ELOVL2: variants seen among roughly 807,000 people sequenced by gnomAD.
The protein encoded by ELOVL2 is very long chain fatty acid elongase 2.
Under a neutral mutation model 37.7 loss-of-function variants are expected in ELOVL2, and 38 were observed. The ratio of observed to expected loss-of-function variants is 1.01; its 90% CI spans 0.78 to 1.32. ELOVL2 has a LOEUF of 1.32. Among genes scored for constraint, ELOVL2 ranks in the 40% most tolerant of loss-of-function variants. The probability of loss-of-function intolerance (pLI) is 0.00; values close to 1 mark genes in which losing one functional copy is unlikely to be tolerated. For missense variants in ELOVL2, 352 were observed against 363.6 expected, an observed-to-expected ratio of 0.97 and a Z score of 0.26; for synonymous variants, 115 against 122.3, an observed-to-expected ratio of 0.94 and a Z score of 0.40.
At chr6:11,036,842 T>C (rs930830688) in intron 1 of ELOVL2, among the ~76,000 whole-genome samples, 1 of 152,166 alleles carries the variant, frequency 6.6e-6, no homozygotes, top group African/African-American at 2.4e-5. Context: ...TTCAGGAAAA[T>C]TGAAAATAGC....
At chr6:11,040,798 G>A (rs575160995) in intron 1 of ELOVL2, among the ~76,000 whole-genome samples, 3 of 152,000 alleles carry the variant, frequency 2.0e-5, no homozygotes, top group South Asian at 2.1e-4. Context: ...TGTTCCTCCC[G>A]AAAACCTTAT....
chr6:11,002,166 C>T (rs1301889234), intron 3 of ELOVL2, among the ~76,000 whole-genome samples: 1 of 152,162 alleles, frequency 6.6e-6, no homozygotes, highest in Non-Finnish European at 1.5e-5. Context: ...TGCCATCTCT[C>T]CACCTCATCT....
At chr6:11,028,177 AGTTGCTTTGGTTATAGGATGTCTTTT>A (rs1782866267) in intron 1 of ELOVL2, among the ~76,000 whole-genome samples, 1 of 152,172 alleles carries the variant, frequency 6.6e-6, no homozygotes, top group Non-Finnish European at 1.5e-5. Flanking sequence ...ACTATGTATA[AGTTGCTTTGGTTATAGGATGTCTTTT>A]CCTCTTTGGA....
intron 4 of ELOVL2, 91 bp from the exon 5 acceptor site, chr6:10,995,269 G>A: frequency 2.1e-6 from 2 of 931,618 alleles, no homozygotes; most frequent in Non-Finnish European, 3.3e-6. Context: ...GCTGCCTGTG[G>A]TTTCCTGCTG....
At chr6:11,026,203 A>C (rs948421236) in intron 1 of ELOVL2, among the ~76,000 whole-genome samples, 9 of 152,226 alleles carry the variant, frequency 5.9e-5, no homozygotes, top group African/African-American at 2.2e-4. Flanking sequence ...GAGAAGACTT[A>C]AAGTATCCTG....
intron 1 of ELOVL2, among the ~76,000 whole-genome samples, chr6:11,032,649 T>G (rs1418161935): frequency 6.6e-6 from 1 of 152,236 alleles, no homozygotes; most frequent in Non-Finnish European, 1.5e-5. Flanking sequence ...CATGGGAAAG[T>G]GACTTTACAT....
intron 1 of ELOVL2, among the ~76,000 whole-genome samples, chr6:11,030,016 T>C (rs1782898217): frequency 6.6e-6 from 1 of 152,186 alleles, no homozygotes; most frequent in African/African-American, 2.4e-5. Flanking sequence ...CAGTAAAGGT[T>C]CTTATGACAA....
intron 2 of ELOVL2, 109 bp downstream of exon 2, chr6:11,010,637 A>T: frequency 1.1e-6 from 1 of 884,048 alleles, no homozygotes; most frequent in Non-Finnish European, 1.8e-6. Flanking sequence ...TCTAAATATT[A>T]AGTACCTTAC....
At chr6:11,023,299 C>G (rs562553303) in intron 1 of ELOVL2, among the ~76,000 whole-genome samples, 5 of 152,268 alleles carry the variant, frequency 3.3e-5, no homozygotes, top group African/African-American at 1.2e-4. Flanking sequence ...TGTGTGTGCT[C>G]TGGTTATCAA....
intron 1 of ELOVL2, among the ~76,000 whole-genome samples, chr6:11,027,508 A>G (rs1312534153): frequency 2.0e-5 from 3 of 152,196 alleles, no homozygotes; most frequent in Non-Finnish European, 4.4e-5. Context: ...TTCCATTTTA[A>G]AAATGTTTCT....
intron 1 of ELOVL2, among the ~76,000 whole-genome samples, chr6:11,024,061 G>C (rs1416593272): frequency 6.6e-6 from 1 of 152,184 alleles, no homozygotes; most frequent in East Asian, 1.9e-4. Flanking sequence ...ATATAGAGCT[G>C]ATGAATAAAG....
chr6:11,030,682 T>C (rs4053063), intron 1 of ELOVL2, among the ~76,000 whole-genome samples: 32,626 of 151,588 alleles, frequency 0.22, 4,634 homozygotes, highest in East Asian at 0.64. Context: ...TTAGTAGAGA[T>C]GGGGTTTCAC....
chr6:11,002,561 A>G (rs1316903911), intron 3 of ELOVL2, among the ~76,000 whole-genome samples: 2 of 152,224 alleles, frequency 1.3e-5, no homozygotes, highest in Non-Finnish European at 2.9e-5. Flanking sequence ...AACTGAACTA[A>G]GTGATTTTAC....
chr6:11,005,410 G>A lies in ELOVL2; in HGVS notation c.217C>T (p.Leu73Phe). Reference protein sequence around the residue: ...SLRGILTLYNLGITLLSAYML... With the variant: ...SLRGILTLYNFGITLLSAYML... ...TACGCGGAGAGAAGTGTGATTCCAA[G>A]ATTATACAAGGTGAGGATACCCCTG... The change falls in exon 3 of 8, where the codon CTT becomes TTT. Residue 73 changes from leucine (L) to phenylalanine (F), a missense_variant. Coordinates refer to ENST00000354666, the MANE Select transcript of ELOVL2 (RefSeq NM_017770.4). 1 of 1,614,064 alleles carries A rather than the reference G, an allele frequency of 6.2e-7. No individual in the cohort carries two copies. The highest frequency in any genetic ancestry group is 8.5e-7 in the Non-Finnish European group (1 of 1,180,006).
At chr6:11,020,155 A>G (rs1490894442) in intron 1 of ELOVL2, among the ~76,000 whole-genome samples, 2 of 150,022 alleles carry the variant, frequency 1.3e-5, no homozygotes, top group Non-Finnish European at 2.9e-5. Flanking sequence ...CTTATAGAGG[A>G]AAGTTGTACA....
rs547317816 is a variant in ELOVL2, at chr6:10,981,719, T to C, written c.*2062A>G. ...GGCAGGTATGCTATGCACTGAGACC[T>C]TAGGGCCTCACTGGCACGTAAGAAT... On this transcript the variant is annotated 3_prime_UTR_variant, in exon 8 of 8. Transcript: ENST00000354666. 1 of 152,300 alleles carries C rather than the reference T, an allele frequency of 6.6e-6. No individual in the cohort carries two copies. Among genetic ancestry groups the C allele is most frequent in the African/African-American group, 2.4e-5 (1 of 41,552 alleles). 9.4% of individuals were successfully genotyped at this position (152,300 alleles called of 1,614,324 possible).
chr6:11,031,627 T>C (rs1782931299), intron 1 of ELOVL2, among the ~76,000 whole-genome samples: 1 of 152,208 alleles, frequency 6.6e-6, no homozygotes, highest in Non-Finnish European at 1.5e-5. Flanking sequence ...TGCAAATAAC[T>C]TCTCCTCCTT....
chr6:11,014,346 G>A (rs1782636473), intron 1 of ELOVL2, among the ~76,000 whole-genome samples: 1 of 151,554 alleles, frequency 6.6e-6, no homozygotes, highest in Admixed American at 6.6e-5. Context: ...GGGCGTGGTG[G>A]TGCACACCTG....
intron 1 of ELOVL2, among the ~76,000 whole-genome samples, chr6:11,028,031 T>C (rs891648712): frequency 3.9e-5 from 6 of 152,230 alleles, no homozygotes; most frequent in Non-Finnish European, 8.8e-5. Context: ...CAATTCCTTT[T>C]GCCTGAGCCT....
Sources: gnomAD v4.1 joint callset for allele counts (sites outside exome capture counted in the v4.1 genomes callset) on GRCh38, gnomAD v4.1.1 for gene constraint, MANE v1.5 for transcripts, NCBI Gene and HGNC (gene_info 2026-07-23, HGNC 2026-07-21) for gene names.